The following PIP4K2A variants were observed in gnomAD, a reference collection of about 807,000 sequenced individuals.
PIP4K2A encodes phosphatidylinositol-5-phosphate 4-kinase type 2 alpha, also known as phosphatidylinositol 5-phosphate 4-kinase type-2 alpha.
PIP4K2A carries 14 observed loss-of-function variants against 42.9 expected under a neutral mutation model. The ratio of observed to expected loss-of-function variants is 0.33; its 90% confidence interval spans 0.22 to 0.51. PIP4K2A has a LOEUF of 0.51. PIP4K2A is among the 20% of genes least tolerant of loss of function. The pLI is 0.97. For synonymous variants in PIP4K2A, 192 were observed against 192.2 expected (o/e 1.00, Z 0.01); for missense variants, 434 against 519.8 (o/e 0.83, Z 1.61).
chr10:22,613,038 A>G (rs1167554654), intron 1 of PIP4K2A, among the ~76,000 whole-genome samples: 1 of 152,142 alleles, frequency 6.6e-6, no homozygotes, highest in Admixed American at 6.5e-5. Flanking sequence ...AGAAAGGGGA[A>G]AACTGCCATC....
intron 7 of PIP4K2A, among the ~76,000 whole-genome samples, chr10:22,544,163 A>C (rs1290939968): frequency 6.6e-6 from 1 of 152,124 alleles, no homozygotes; most frequent in Admixed American, 6.5e-5. Context: ...GGGTCTCCGG[A>C]GGGTTAGGTG....
intron 1 of PIP4K2A, among the ~76,000 whole-genome samples, chr10:22,693,602 G>C (rs1839915792): frequency 6.6e-6 from 1 of 152,204 alleles, no homozygotes; most frequent in Non-Finnish European, 1.5e-5. Context: ...AGATCTGAGA[G>C]AGAAATTAGT....
chr10:22,673,765 T>C (rs1265092239), intron 1 of PIP4K2A, among the ~76,000 whole-genome samples: 1 of 152,198 alleles, frequency 6.6e-6, no homozygotes, highest in South Asian at 2.1e-4. Context: ...ACAAAATGAC[T>C]GACAGTCCTT....
At chr10:22,644,777 T>C (rs1838847673) in intron 1 of PIP4K2A, among the ~76,000 whole-genome samples, 1 of 152,084 alleles carries the variant, frequency 6.6e-6, no homozygotes. Flanking sequence ...GTGTGTATCT[T>C]CTAGGACCTA....
intron 1 of PIP4K2A, among the ~76,000 whole-genome samples, chr10:22,662,484 G>A (rs919991589): frequency 2.6e-5 from 4 of 152,172 alleles, no homozygotes; most frequent in African/African-American, 9.6e-5. Context: ...TTGTGCGTAC[G>A]ACAATAGATT....
intron 3 of PIP4K2A, among the ~76,000 whole-genome samples, chr10:22,607,342 GT>G (rs1356348543): frequency 3.9e-5 from 6 of 152,158 alleles, no homozygotes; most frequent in African/African-American, 1.4e-4. Flanking sequence ...TTTTTACGTG[GT>G]GGGAATCAAG....
At chr10:22,670,383 G>C (rs1839426273) in intron 1 of PIP4K2A, among the ~76,000 whole-genome samples, 1 of 152,004 alleles carries the variant, frequency 6.6e-6, no homozygotes, top group Non-Finnish European at 1.5e-5. Context: ...AAACAAAACA[G>C]TATGATAGCC....
At chr10:22,609,772 T>G (rs2130709456) in intron 1 of PIP4K2A, 55 bp from the exon 2 acceptor site, 1 of 1,038,574 alleles carries the variant, frequency 9.6e-7, no homozygotes, top group East Asian at 2.4e-5. Context: ...TGAGGAGGAC[T>G]TGACTTGAAT....
At chr10:22,543,918 C>T (rs900921474) in intron 7 of PIP4K2A, among the ~76,000 whole-genome samples, 2 of 152,164 alleles carry the variant, frequency 1.3e-5, no homozygotes, top group African/African-American at 2.4e-5. Flanking sequence ...GGGGCAGGCT[C>T]TCCGTGTGAG....
chr10:22,620,289 C>A (rs371101349), intron 1 of PIP4K2A, among the ~76,000 whole-genome samples: 1 of 152,142 alleles, frequency 6.6e-6, no homozygotes, highest in Non-Finnish European at 1.5e-5. Context: ...TGAATTCAGG[C>A]CAAAAATTTA....
At chr10:22,587,009 C>T (rs1183697119) in intron 4 of PIP4K2A, among the ~76,000 whole-genome samples, 3 of 152,116 alleles carry the variant, frequency 2.0e-5, no homozygotes, top group Non-Finnish European at 4.4e-5. Flanking sequence ...ATGGCTGGGA[C>T]CAGAAGGTGG....
At chr10:22,605,079 C>A (rs117144049) in intron 3 of PIP4K2A, among the ~76,000 whole-genome samples, 1 of 152,268 alleles carries the variant, frequency 6.6e-6, no homozygotes, top group African/African-American at 2.4e-5. Context: ...GGTCCCTGAC[C>A]CTACTGAAGA....
intron 1 of PIP4K2A, among the ~76,000 whole-genome samples, chr10:22,677,501 C>A (rs1204059901): frequency 6.6e-6 from 1 of 152,194 alleles, no homozygotes; most frequent in Non-Finnish European, 1.5e-5. Context: ...AGCCACAAGG[C>A]AAGCATTCAG....
Position 22,694,228 on chromosome 10 carries a change from G to A in PIP4K2A, c.144+19955C>T, listed in dbSNP as rs968616476. 2.0e-5 allele frequency: 3 copies of A among 152,162 alleles called. No individual in the cohort carries two copies. The South Asian group carries it at 6.2e-4, about 32-fold the overall frequency. The allele number at this position is 152,162 out of a possible 1,614,324, so 9.4% of individuals were successfully genotyped here. ...TACTGAGTGCAAGAAGAAACTGTCAGAATGTCTACTTACACTTAATTTTAC... is the reference window on the plus strand; with the variant it reads ...TACTGAGTGCAAGAAGAAACTGTCAAAATGTCTACTTACACTTAATTTTAC... On this transcript the variant is annotated intron_variant, in intron 1 of 9. Transcript: ENST00000376573.
chr10:22,619,435 T>TCTTC (rs1307558377), intron 1 of PIP4K2A, among the ~76,000 whole-genome samples: 123 of 131,712 alleles, frequency 9.3e-4, no homozygotes, highest in African/African-American at 4.6e-3. Flanking sequence ...TCTTTTTCTT[T>TCTTC]TTTCTTTTTT....
At chr10:22,638,675 A>C (rs1268729742) in intron 1 of PIP4K2A, among the ~76,000 whole-genome samples, 1 of 152,190 alleles carries the variant, frequency 6.6e-6, no homozygotes, top group Admixed American at 6.5e-5. Flanking sequence ...GGAGGGAAAA[A>C]AACCCACTTT....
chr10:22,593,304 A>G (rs549161179), intron 3 of PIP4K2A, among the ~76,000 whole-genome samples: 1 of 152,310 alleles, frequency 6.6e-6, no homozygotes, highest in South Asian at 2.1e-4. Context: ...CCACCAAGTA[A>G]CTGAATTTGC....
At chr10:22,620,112 T>G (rs930147362) in intron 1 of PIP4K2A, among the ~76,000 whole-genome samples, 1 of 152,238 alleles carries the variant, frequency 6.6e-6, no homozygotes, top group Non-Finnish European at 1.5e-5. Context: ...TTACTTTAAT[T>G]TATAACATAG....
chr10:22,540,986 A>G (rs551771794), intron 8 of PIP4K2A, among the ~76,000 whole-genome samples: 7 of 152,360 alleles, frequency 4.6e-5, no homozygotes, highest in African/African-American at 1.7e-4. Flanking sequence ...TCCTCAGCTG[A>G]TATGCCATTT....
Sources: gnomAD v4.1 joint callset for allele counts (sites outside exome capture counted in the v4.1 genomes callset) on GRCh38, gnomAD v4.1.1 for gene constraint, MANE v1.5 for transcripts, NCBI Gene and HGNC (gene_info 2026-07-23, HGNC 2026-07-21) for gene names.